The following DLG1 variants were observed in gnomAD, a reference collection of about 807,000 sequenced individuals.
DLG1 encodes the protein discs large MAGUK scaffold protein 1.
A neutral mutation model predicts 123.4 loss-of-function variants in DLG1; 42 were observed. That is an observed-to-expected ratio of 0.34 (90% CI 0.27 to 0.44). The LOEUF is 0.44. Among genes scored for constraint, DLG1 ranks in the 20% least tolerant of loss-of-function variants. The pLI, the probability that DLG1 is intolerant of heterozygous loss-of-function variation, is 1.00. For synonymous variants in DLG1, 317 were observed against 356.2 expected (o/e 0.89, Z 1.24); for missense variants, 942 against 1,082.6 (o/e 0.87, Z 1.82).
chr3:197,228,259 T>C (rs1740993618), intron 4 of DLG1, among the ~76,000 whole-genome samples: 2 of 152,230 alleles, frequency 1.3e-5, no homozygotes. Context: ...ATGTAGGTTG[T>C]ACACGCTGAG....
intron 4 of DLG1, among the ~76,000 whole-genome samples, chr3:197,222,548 A>C (rs989241393): frequency 1.3e-5 from 2 of 152,168 alleles, no homozygotes; most frequent in Non-Finnish European, 2.9e-5. Context: ...TTTTCCACCC[A>C]ATTATCTCTT....
Position 197,044,487 on chromosome 3 carries a change from AAAG to A in DLG1, c.*133_*135del, listed in dbSNP as rs765248715. ...ACTTGAAGGAGACACTACATGTGAA[AAAG>A]AAGCTGCAGACCATGATGTGTGGGA... On this transcript the variant is annotated 3_prime_UTR_variant, in exon 25 of 25. Coordinates refer to ENST00000667157, the MANE Select transcript of DLG1 (RefSeq NM_001366207.1). 1.2e-4 allele frequency: 63 copies of A among 526,416 alleles called. No individual in the cohort carries two copies. Among genetic ancestry groups the A allele is most frequent in the Non-Finnish European group, 1.8e-4 (54 of 296,892 alleles). The allele number at this position is 526,416 out of a possible 1,614,324, so 32.6% of individuals were successfully genotyped here.
At chr3:197,052,422 T>G (rs1292299021) in intron 23 of DLG1, among the ~76,000 whole-genome samples, 1 of 152,106 alleles carries the variant, frequency 6.6e-6, no homozygotes, top group African/African-American at 2.4e-5. Context: ...GCCACTGCAC[T>G]CCAGTCTGGG....
chr3:197,054,490 A>T (rs992548742), intron 23 of DLG1, among the ~76,000 whole-genome samples: 4 of 152,052 alleles, frequency 2.6e-5, no homozygotes, highest in African/African-American at 9.7e-5. Flanking sequence ...AAACTTGTTG[A>T]TTCTTTCTTC....
chr3:197,202,483 T>C (rs558249725), intron 4 of DLG1, among the ~76,000 whole-genome samples: 3 of 152,330 alleles, frequency 2.0e-5, no homozygotes, highest in East Asian at 3.9e-4. Context: ...ACCATGATCA[T>C]CTCAATGAAC....
chr3:197,240,863 T>C (rs1047457688), intron 4 of DLG1, among the ~76,000 whole-genome samples: 1 of 151,046 alleles, frequency 6.6e-6, no homozygotes, highest in Non-Finnish European at 1.5e-5. Flanking sequence ...AAAACACACA[T>C]AGGAGAAAAA....
chr3:197,117,541 T>C (rs1431024592), intron 12 of DLG1, among the ~76,000 whole-genome samples: 1 of 152,178 alleles, frequency 6.6e-6, no homozygotes, highest in Non-Finnish European at 1.5e-5. Flanking sequence ...AATGAGTGTA[T>C]CTTGACAACA....
Position 197,043,460 on chromosome 3 carries a change from G to A in DLG1, c.*1163C>T, listed in dbSNP as rs1560257222. The A allele has an allele frequency of 6.9e-6, 1 of 144,950 alleles. No individual in the cohort carries two copies. Among genetic ancestry groups the A allele is most frequent in the African/African-American group, 2.6e-5 (1 of 38,940 alleles). The allele number at this position is 144,950 out of a possible 1,614,324, so 9.0% of individuals were successfully genotyped here. ...AATGTTTCCTCCTCATGACCACCATGCCCCCATTTTCAGTTCACATGATTA... is the reference window on the plus strand; with the variant it reads ...AATGTTTCCTCCTCATGACCACCATACCCCCATTTTCAGTTCACATGATTA... On this transcript the variant is annotated 3_prime_UTR_variant, in exon 25 of 25. Transcript: ENST00000667157.
chr3:197,136,317 A>G (rs1453519188), intron 10 of DLG1: 2 of 465,266 alleles, frequency 4.3e-6, no homozygotes, highest in Admixed American at 3.9e-5. Context: ...GCCCTCAACA[A>G]CAACAAAGGA....
chr3:197,282,579 T>A (rs576918690), intron 4 of DLG1, 100 bp downstream of exon 4: 5 of 787,834 alleles, frequency 6.3e-6, no homozygotes, highest in Non-Finnish European at 3.6e-6. Context: ...CATAACAAAA[T>A]CCACTTGTAT....
intron 5 of DLG1, among the ~76,000 whole-genome samples, chr3:197,192,732 A>C (rs943323513): frequency 2.0e-5 from 3 of 152,128 alleles, no homozygotes; most frequent in African/African-American, 7.2e-5. Context: ...GTATGTGTGT[A>C]TAAGAACAGA....
chr3:197,297,619 G>A (rs1778130970), intron 1 of DLG1: 4 of 1,005,936 alleles, frequency 4.0e-6, no homozygotes, highest in Non-Finnish European at 4.7e-6. Context: ...AGCGCTGAGA[G>A]GGGACCAGCG....
Position 197,131,643 on chromosome 3 carries a change from G to A in DLG1, c.1021-972C>T, listed in dbSNP as rs1325642977. On this transcript the variant is annotated intron_variant, in intron 10 of 24. Coordinates refer to ENST00000667157, the MANE Select transcript of DLG1 (RefSeq NM_001366207.1). ...GAGTCTCGCTCTGTCGCCCAGGCTGGAGTGCAGTGGCGGGATCTCAGCTCA... is the reference window on the plus strand; with the variant it reads ...GAGTCTCGCTCTGTCGCCCAGGCTGAAGTGCAGTGGCGGGATCTCAGCTCA... 6.1e-5 allele frequency among the ~76,000 whole-genome samples: 8 copies of A among 131,862 alleles called. No individual in the cohort carries two copies. The East Asian group carries it at 1.8e-3, about 30-fold the overall frequency. The allele number at this position is 131,862 out of a possible 152,430, so 86.5% of individuals were successfully genotyped here. A position where few individuals can be genotyped will look rare whatever the true frequency, so the allele number is the denominator to read the frequency against.
chr3:197,142,806 G>T, intron 6 of DLG1, 38 bp from the exon 7 acceptor site: 5 of 1,578,960 alleles, frequency 3.2e-6, no homozygotes, highest in African/African-American at 2.7e-5. Context: ...AAACTTCAGA[G>T]TGTAAAATCC....
chr3:197,268,429 CT>C lies in DLG1; in HGVS notation c.318+14249del, dbSNP rs1314309384. Among the ~76,000 whole-genome samples the C allele has an allele frequency of 2.6e-5, 4 of 151,686 alleles. No homozygotes were observed. In the East Asian group the frequency reaches 5.8e-4, roughly 22 times the overall value. On this transcript the variant is annotated intron_variant, in intron 4 of 24. Transcript: ENST00000667157. ...TTGTTCCACTTCTCTTATAACATTTCTTTTTTTGGAGACAGGGTCTTGATCC... is the reference window on the plus strand; with the variant it reads ...TTGTTCCACTTCTCTTATAACATTTCTTTTTTGGAGACAGGGTCTTGATCC...
chr3:197,057,001 T>C (rs895145669), intron 23 of DLG1, among the ~76,000 whole-genome samples: 9 of 152,254 alleles, frequency 5.9e-5, no homozygotes, highest in Non-Finnish European at 4.4e-5. Context: ...GAATGTTTCA[T>C]TGTGAACATG....
At chr3:197,070,887 T>A in intron 18 of DLG1, 1 of 152,108 alleles carries the variant, frequency 6.6e-6, no homozygotes, top group Non-Finnish European at 1.5e-5. Flanking sequence ...GTAGGTTTTT[T>A]AAAAGCTCAT....
intron 4 of DLG1, among the ~76,000 whole-genome samples, chr3:197,256,163 T>C (rs1216233686): frequency 2.0e-5 from 3 of 152,274 alleles, no homozygotes; most frequent in Non-Finnish European, 2.9e-5. Context: ...ATATATCTTC[T>C]GCACTAGATG....
chr3:197,090,317 AAAAG>A (rs1337500511), intron 15 of DLG1, among the ~76,000 whole-genome samples: 80 of 152,036 alleles, frequency 5.3e-4, no homozygotes, highest in African/African-American at 1.8e-3. Flanking sequence ...GAAAAAAAAA[AAAAG>A]AAACACCCCA....
Sources: allele counts gnomAD v4.1 joint callset (sites outside exome capture counted in the v4.1 genomes callset), GRCh38; gene constraint gnomAD v4.1.1; transcripts MANE v1.5; gene names NCBI Gene and HGNC (gene_info 2026-07-23, HGNC 2026-07-21).